Variants in RGS6 observed in about 807,000 individuals in gnomAD.
RGS6 encodes regulator of G protein signaling 6.
RGS6 carries 30 observed loss-of-function variants against 78.5 expected under a neutral mutation model. The observed-to-expected ratio is 0.38, with a 90% confidence interval of 0.29 to 0.52. The LOEUF is 0.52. RGS6 is among the 20% of genes least tolerant of loss of function. The pLI, the probability that RGS6 is intolerant of heterozygous loss-of-function variation, is 0.85. For synonymous variants in RGS6, 206 were observed against 206.0 expected, an observed-to-expected ratio of 1.00 and a Z score of 0.00; for missense variants, 495 against 609.7, an observed-to-expected ratio of 0.81 and a Z score of 1.98.
intron 2 of RGS6, among the ~76,000 whole-genome samples, chr14:71,969,637 C>T (rs2093695019): frequency 6.6e-6 from 1 of 152,164 alleles, no homozygotes. Flanking sequence ...TTTCCTCCTT[C>T]CTTTTCAATT....
chr14:71,890,399 T>C, the RGS6 span, among the ~76,000 whole-genome samples: 1 of 67,540 alleles, frequency 1.5e-5, no homozygotes, highest in African/African-American at 5.2e-5. Flanking sequence ...AGAGAAATCT[T>C]GTCTAGAGGC....
the RGS6 span, among the ~76,000 whole-genome samples, chr14:72,597,739 G>A: frequency 6.6e-6 from 1 of 152,120 alleles, no homozygotes; most frequent in Non-Finnish European, 1.5e-5. Flanking sequence ...GACGGACATT[G>A]GACTCAGTCT....
chr14:72,461,753 A>T (rs2095788463), intron 6 of RGS6, among the ~76,000 whole-genome samples: 1 of 152,162 alleles, frequency 6.6e-6, no homozygotes, highest in Non-Finnish European at 1.5e-5. Context: ...GAAAATCAGG[A>T]TGTATTTATG....
At chr14:72,266,003 A>C (rs1484255996) in intron 2 of RGS6, among the ~76,000 whole-genome samples, 1 of 151,470 alleles carries the variant, frequency 6.6e-6, no homozygotes, top group East Asian at 1.9e-4. Context: ...CTGTTTATGT[A>C]TGCTCTATAG....
the RGS6 span, among the ~76,000 whole-genome samples, chr14:71,902,652 G>T: frequency 6.6e-6 from 1 of 152,100 alleles, no homozygotes; most frequent in Non-Finnish European, 1.5e-5. Flanking sequence ...TGGCAAAATG[G>T]ATATAGTTAG....
chr14:72,335,914 T>C (rs2075941098), intron 2 of RGS6, among the ~76,000 whole-genome samples: 1 of 152,192 alleles, frequency 6.6e-6, no homozygotes, highest in South Asian at 2.1e-4. Flanking sequence ...TCACTGGCTT[T>C]GATAATCACC....
intron 2 of RGS6, among the ~76,000 whole-genome samples, chr14:71,976,018 T>G (rs1048528349): frequency 6.6e-6 from 1 of 152,112 alleles, no homozygotes; most frequent in South Asian, 2.1e-4. Flanking sequence ...CCATTGAATT[T>G]GTAACCTTAG....
At chr14:72,086,827 G>C (rs985568494) in intron 2 of RGS6, among the ~76,000 whole-genome samples, 1 of 152,122 alleles carries the variant, frequency 6.6e-6, no homozygotes, top group African/African-American at 2.4e-5. Flanking sequence ...TAGAAGCATG[G>C]GATAACAAAT....
At chr14:72,525,526 T>C (rs1448027386) in intron 15 of RGS6, among the ~76,000 whole-genome samples, 2 of 152,202 alleles carry the variant, frequency 1.3e-5, no homozygotes, top group African/African-American at 4.8e-5. Flanking sequence ...ACAAGAAGCC[T>C]CTAGCAAAAC....
At chr14:72,179,689 A>C (rs1329926617) in intron 2 of RGS6, among the ~76,000 whole-genome samples, 4 of 120,486 alleles carry the variant, frequency 3.3e-5, no homozygotes, top group African/African-American at 9.7e-5. Context: ...TCATATTTGA[A>C]GGGGGTTATA....
Position 72,518,468 on chromosome 14 carries a change from T to G in RGS6, c.1209T>G (p.Asp403Glu). 1 of 1,614,194 alleles carries G rather than the reference T, an allele frequency of 6.2e-7. No individual in the cohort carries two copies. The highest frequency in any genetic ancestry group is 8.5e-7 in the Non-Finnish European group (1 of 1,180,018). Residue 403 changes from aspartate (D) to glutamate (E), a missense_variant, in exon 15 of 18, where the codon GAT becomes GAG. Transcript: ENST00000553525. ...GGGCTCCAAGTGCAATCAACCTGGA[T>G]TCTCACAGCTATGAGATAACCAGTC... ...APGAPSAINL[D>E]SHSYEITSQN...
At position 72,431,931 on chromosome 14, in the gene RGS6, C is replaced by A. The variant is rs184422270; in HGVS notation, c.185-22597C>A. Among the ~76,000 whole-genome samples, 100 of 152,224 alleles carry A rather than the reference C, an allele frequency of 6.6e-4. 1 individual carries two copies. The highest frequency in any genetic ancestry group is 3.4e-3 in the Middle Eastern group (1 of 294). On this transcript the variant is annotated intron_variant, in intron 3 of 17. Coordinates refer to ENST00000553525, the MANE Select transcript of RGS6 (RefSeq NM_001204424.2). ...TATTTGGGATTTTCTCATTTTGAAT[C>A]TGGGGGTGAAGAGGGGAATTTAGGG...
intron 2 of RGS6, among the ~76,000 whole-genome samples, chr14:72,264,152 G>A (rs1293898636): frequency 6.6e-6 from 1 of 152,174 alleles, no homozygotes; most frequent in African/African-American, 2.4e-5. Context: ...AGAAAGGTTT[G>A]TTCTCAGGGC....
the RGS6 span, among the ~76,000 whole-genome samples, chr14:71,885,943 T>G: frequency 6.6e-6 from 1 of 151,620 alleles, no homozygotes; most frequent in African/African-American, 2.4e-5. Context: ...ACTCTCCTTC[T>G]CTTTTTTCTC....
At chr14:72,034,543 C>T (rs1200791574) in intron 2 of RGS6, among the ~76,000 whole-genome samples, 1 of 152,012 alleles carries the variant, frequency 6.6e-6, no homozygotes, top group Non-Finnish European at 1.5e-5. Context: ...TGTATAATTA[C>T]TTTAATGTGC....
At chr14:72,046,091 C>G (rs1001248971) in intron 2 of RGS6, among the ~76,000 whole-genome samples, 1 of 152,044 alleles carries the variant, frequency 6.6e-6, no homozygotes, top group African/African-American at 2.4e-5. Context: ...CATCCATCCT[C>G]CTGATGGAGG....
chr14:72,347,227 G>A (rs756052190), intron 2 of RGS6, among the ~76,000 whole-genome samples: 8 of 152,144 alleles, frequency 5.3e-5, no homozygotes, highest in Non-Finnish European at 1.2e-4. Context: ...AAGTTAGAAG[G>A]AACTGAACAG....
intron 2 of RGS6, among the ~76,000 whole-genome samples, chr14:72,230,058 G>A (rs2049165545): frequency 6.6e-6 from 1 of 152,186 alleles, no homozygotes; most frequent in African/African-American, 2.4e-5. Context: ...CTTATCATCT[G>A]ATAGACTTGG....
At chr14:71,941,101 A>C (rs979152174) in intron 1 of RGS6, among the ~76,000 whole-genome samples, 4 of 152,182 alleles carry the variant, frequency 2.6e-5, no homozygotes, top group African/African-American at 9.6e-5. Flanking sequence ...CCCTGAGTTC[A>C]TCATTTTCTT....
Sources: gnomAD v4.1 joint callset for allele counts (sites outside exome capture counted in the v4.1 genomes callset) on GRCh38, gnomAD v4.1.1 for gene constraint, MANE v1.5 for transcripts, NCBI Gene and HGNC (gene_info 2026-07-23, HGNC 2026-07-21) for gene names.